LOC128706665: variants seen among roughly 807,000 people sequenced by gnomAD.
chr20:10,414,472 C>T, the LOC128706665 span, among the ~76,000 whole-genome samples: 21,868 of 151,858 alleles, frequency 0.14, 1,769 homozygotes, highest in East Asian at 0.24. Context: ...TCCATGTTTG[C>T]CAGGTTGGTC....
At chr20:10,419,449 A>G in the LOC128706665 span, among the ~76,000 whole-genome samples, 1 of 152,158 alleles carries the variant, frequency 6.6e-6, no homozygotes, top group African/African-American at 2.4e-5. Flanking sequence ...AGTGAAACTC[A>G]ATTTTCATAT....
chr20:10,428,007 C>T, the LOC128706665 span, among the ~76,000 whole-genome samples: 1 of 152,330 alleles, frequency 6.6e-6, no homozygotes, highest in East Asian at 1.9e-4. Context: ...TTTGCTATTC[C>T]TCCCTGCTCA....
At chr20:10,431,219 C>T in the LOC128706665 span, among the ~76,000 whole-genome samples, 173 of 152,168 alleles carry the variant, frequency 1.1e-3, no homozygotes, top group African/African-American at 4.1e-3. Context: ...ATATTATCAT[C>T]GAATATTTTG....
the LOC128706665 span, among the ~76,000 whole-genome samples, chr20:10,422,836 C>G: frequency 6.6e-6 from 1 of 151,792 alleles, no homozygotes; most frequent in African/African-American, 2.4e-5. Context: ...CTCAGCCTCC[C>G]GAGTAGCTGG....
the LOC128706665 span, among the ~76,000 whole-genome samples, chr20:10,433,409 C>G: frequency 1.3e-5 from 2 of 152,288 alleles, no homozygotes; most frequent in East Asian, 1.9e-4. Context: ...GAGTCAGGAC[C>G]GTGCAAGTCC....
the LOC128706665 span, among the ~76,000 whole-genome samples, chr20:10,430,170 C>T: frequency 2.8e-4 from 43 of 152,304 alleles, no homozygotes; most frequent in African/African-American, 9.4e-4. Context: ...GATCTAGATC[C>T]TGCCTACCAG....
At chr20:10,431,018 A>G in the LOC128706665 span, among the ~76,000 whole-genome samples, 3 of 152,190 alleles carry the variant, frequency 2.0e-5, no homozygotes, top group African/African-American at 7.2e-5. Context: ...TCCTGCCTCA[A>G]TGTCATGATC....
At chr20:10,422,976 G>C in the LOC128706665 span, among the ~76,000 whole-genome samples, 4 of 152,124 alleles carry the variant, frequency 2.6e-5, no homozygotes, top group African/African-American at 9.7e-5. Context: ...CTCCCAAAGT[G>C]CTGGGATTAC....
the LOC128706665 span, among the ~76,000 whole-genome samples, chr20:10,417,501 C>T: frequency 6.6e-6 from 1 of 152,124 alleles, no homozygotes; most frequent in Non-Finnish European, 1.5e-5. Context: ...GTCCCAGCTA[C>T]TTGGGATGCT....
chr20:10,426,918 A>AATG, the LOC128706665 span, among the ~76,000 whole-genome samples: 1 of 152,096 alleles, frequency 6.6e-6, no homozygotes, highest in Non-Finnish European at 1.5e-5. Flanking sequence ...CTCAGTATAG[A>AATG]ATGACAGCAA....
the LOC128706665 span, among the ~76,000 whole-genome samples, chr20:10,424,975 C>T: frequency 1.6e-4 from 24 of 151,600 alleles, no homozygotes; most frequent in Admixed American, 1.4e-3. Context: ...ATCACTTGAA[C>T]CTGGGAGGCG....
chr20:10,430,915 G>A, the LOC128706665 span, among the ~76,000 whole-genome samples: 1 of 152,178 alleles, frequency 6.6e-6, no homozygotes, highest in Non-Finnish European at 1.5e-5. Context: ...CTGAAACAAC[G>A]TTTTACATAA....
the LOC128706665 span, among the ~76,000 whole-genome samples, chr20:10,427,909 A>G: frequency 6.6e-6 from 1 of 152,178 alleles, no homozygotes; most frequent in African/African-American, 2.4e-5. Flanking sequence ...ACCTATATCC[A>G]AGAGCTGGGC....
At chr20:10,415,999 A>G in the LOC128706665 span, among the ~76,000 whole-genome samples, 13 of 152,294 alleles carry the variant, frequency 8.5e-5, no homozygotes, top group Admixed American at 3.3e-4. Flanking sequence ...AAAAAAAACC[A>G]AACCACTGGG....
At chr20:10,432,458 G>C in the LOC128706665 span, among the ~76,000 whole-genome samples, 2 of 152,106 alleles carry the variant, frequency 1.3e-5, no homozygotes, top group Non-Finnish European at 2.9e-5. Flanking sequence ...CAGGACCCAT[G>C]ATGGATACCC....
At chr20:10,434,059 C>G in the LOC128706665 span, 1 of 152,576 alleles carries the variant, frequency 6.6e-6, no homozygotes, top group African/African-American at 2.4e-5. Context: ...CCCCTCTCTT[C>G]GGCCGGACAC....
the LOC128706665 span, among the ~76,000 whole-genome samples, chr20:10,427,307 G>T: frequency 6.6e-6 from 1 of 152,050 alleles, no homozygotes; most frequent in Non-Finnish European, 1.5e-5. Context: ...TGGCCTTTTG[G>T]ACACAGTGTA....
the LOC128706665 span, among the ~76,000 whole-genome samples, chr20:10,421,600 G>A: frequency 2.1e-4 from 32 of 152,056 alleles, no homozygotes; most frequent in Non-Finnish European, 3.5e-4. Context: ...TGGCTTGAAC[G>A]CTACAAATCA....
the LOC128706665 span, among the ~76,000 whole-genome samples, chr20:10,432,740 G>A: frequency 7.4e-6 from 1 of 135,108 alleles, no homozygotes; most frequent in African/African-American, 2.7e-5. Context: ...AGGTTGCACA[G>A]TGAGCAGAGA....
Sources: gnomAD v4.1 joint callset for allele counts (sites outside exome capture counted in the v4.1 genomes callset) on GRCh38, gnomAD v4.1.1 for gene constraint, MANE v1.5 for transcripts.